AGBL4: variants seen among roughly 807,000 people sequenced by gnomAD.
AGBL4 encodes AGBL carboxypeptidase 4.
In AGBL4, 58 loss-of-function variants were observed where a neutral mutation model predicts 66.4. The observed-to-expected ratio is 0.87, with a 90% CI of 0.71 to 1.09. The LOEUF is 1.09. Ranked by LOEUF, AGBL4 falls within the 50% of genes least tolerant of loss-of-function variation. The pLI, the probability that AGBL4 is intolerant of heterozygous loss-of-function variation, is 0.00. For synonymous variants in AGBL4, 234 were observed against 222.9 expected, an observed-to-expected ratio of 1.05 and a Z score of -0.44; for missense variants, 579 against 631.0, an observed-to-expected ratio of 0.92 and a Z score of 0.88.
chr1:49,315,160 A>G (rs888851494), intron 3 of AGBL4, among the ~76,000 whole-genome samples: 1 of 152,226 alleles, frequency 6.6e-6, no homozygotes, highest in African/African-American at 2.4e-5. Context: ...TGCCTATTTA[A>G]TAAATGGTGT....
intron 3 of AGBL4, among the ~76,000 whole-genome samples, chr1:49,370,088 T>C (rs1183895253): frequency 3.4e-5 from 5 of 147,586 alleles, no homozygotes; most frequent in Non-Finnish European, 1.5e-5. Context: ...TATAATTAGA[T>C]ATTATATATA....
At chr1:48,612,322 A>G (rs1645251143) in intron 9 of AGBL4, among the ~76,000 whole-genome samples, 2 of 152,234 alleles carry the variant, frequency 1.3e-5, no homozygotes, top group South Asian at 4.1e-4. Context: ...CAGAAATCAA[A>G]CAACTCCCAT....
At chr1:49,467,525 C>A (rs1023595950) in intron 3 of AGBL4, among the ~76,000 whole-genome samples, 3 of 151,744 alleles carry the variant, frequency 2.0e-5, no homozygotes, top group Non-Finnish European at 4.4e-5. Flanking sequence ...TGCATCTATA[C>A]AACTGTGAGG....
chr1:49,406,003 C>A (rs976900307), intron 3 of AGBL4, among the ~76,000 whole-genome samples: 3 of 152,192 alleles, frequency 2.0e-5, no homozygotes, highest in African/African-American at 7.2e-5. Context: ...TTAGCCCTTA[C>A]AACAACCACT....
chr1:49,031,345 G>T (rs1664212024), intron 5 of AGBL4, among the ~76,000 whole-genome samples: 1 of 151,732 alleles, frequency 6.6e-6, no homozygotes, highest in Admixed American at 6.6e-5. Flanking sequence ...TCACCACAAA[G>T]AAATGATAAC....
At chr1:49,057,333 A>T (rs1013712800) in intron 4 of AGBL4, among the ~76,000 whole-genome samples, 2 of 152,194 alleles carry the variant, frequency 1.3e-5, no homozygotes, top group Non-Finnish European at 2.9e-5. Context: ...TGGGATAACC[A>T]CCTGAGCCAA....
intron 3 of AGBL4, among the ~76,000 whole-genome samples, chr1:49,667,301 T>C (rs1646390064): frequency 6.6e-6 from 1 of 151,862 alleles, no homozygotes; most frequent in South Asian, 2.1e-4. Context: ...TCAACAAAAT[T>C]ACAAAAATTA....
intron 2 of AGBL4, among the ~76,000 whole-genome samples, chr1:49,825,953 TA>T (rs557045411): frequency 4.7e-5 from 7 of 150,220 alleles, no homozygotes; most frequent in Non-Finnish European, 1.0e-4. Flanking sequence ...TAGTAAATAA[TA>T]AAAAAAAACA....
chr1:48,846,600 G>A (rs534871346), intron 6 of AGBL4, among the ~76,000 whole-genome samples: 2 of 152,008 alleles, frequency 1.3e-5, no homozygotes, highest in East Asian at 1.9e-4. Context: ...CTTTTGGCAC[G>A]CCCTTTCTCC....
intron 4 of AGBL4, among the ~76,000 whole-genome samples, chr1:49,053,806 A>G (rs1644263055): frequency 6.6e-6 from 1 of 152,200 alleles, no homozygotes; most frequent in Non-Finnish European, 1.5e-5. Flanking sequence ...ATGACACGCA[A>G]TAATAAATAC....
At chr1:48,714,637 C>T (rs1485730381) in intron 6 of AGBL4, among the ~76,000 whole-genome samples, 4 of 152,222 alleles carry the variant, frequency 2.6e-5, no homozygotes, top group Non-Finnish European at 5.9e-5. Context: ...AGTGGTCCTT[C>T]TGAAACACCA....
chr1:48,913,581 G>A (rs1487563053), intron 5 of AGBL4, among the ~76,000 whole-genome samples: 1 of 152,136 alleles, frequency 6.6e-6, no homozygotes, highest in East Asian at 1.9e-4. Flanking sequence ...GGCTCCTTAT[G>A]AGAATCTAAT....
chr1:49,207,545 T>C (rs183736012), intron 4 of AGBL4, among the ~76,000 whole-genome samples: 29 of 93,942 alleles, frequency 3.1e-4, no homozygotes, highest in Non-Finnish European at 3.7e-4. Flanking sequence ...TTCTTTCTTT[T>C]CTTTCTTTCT....
intron 2 of AGBL4, among the ~76,000 whole-genome samples, chr1:49,741,423 A>C (rs866010431): frequency 3.3e-5 from 5 of 152,312 alleles, no homozygotes; most frequent in Middle Eastern, 3.4e-3. Flanking sequence ...CTTACCAACC[A>C]AAAAAAGGCC....
intron 5 of AGBL4, among the ~76,000 whole-genome samples, chr1:48,922,822 T>C (rs1654204508): frequency 2.0e-5 from 3 of 152,046 alleles, no homozygotes; most frequent in African/African-American, 7.2e-5. Context: ...CATTTAATTA[T>C]TTAAATCATT....
intron 2 of AGBL4, among the ~76,000 whole-genome samples, chr1:49,738,343 C>A (rs1366356606): frequency 6.6e-6 from 1 of 152,202 alleles, no homozygotes; most frequent in Non-Finnish European, 1.5e-5. Flanking sequence ...TGCAAGTCAG[C>A]AGCAAGGCTG....
At chr1:48,580,803 T>C (rs1285241789) in intron 11 of AGBL4, among the ~76,000 whole-genome samples, 1 of 152,206 alleles carries the variant, frequency 6.6e-6, no homozygotes, top group Non-Finnish European at 1.5e-5. Context: ...CTCTCCATGG[T>C]CTGGCTCTGC....
intron 6 of AGBL4, chr1:48,776,830 A>C (rs911229401): frequency 1.6e-5 from 24 of 1,488,534 alleles, no homozygotes; most frequent in Admixed American, 7.1e-5. Flanking sequence ...AAAGGCGTAC[A>C]TGGTGGGCGC....
intron 1 of AGBL4, among the ~76,000 whole-genome samples, chr1:49,861,130 A>T (rs2148084603): frequency 6.6e-6 from 1 of 152,288 alleles, no homozygotes; most frequent in Admixed American, 6.5e-5. Context: ...TCCCATTGTG[A>T]GTGCCCACAC....
Sources: allele counts gnomAD v4.1 joint callset (sites outside exome capture counted in the v4.1 genomes callset), GRCh38; gene constraint gnomAD v4.1.1; transcripts MANE v1.5; gene names NCBI Gene and HGNC (gene_info 2026-07-23, HGNC 2026-07-21).